The following MTX3 variants were observed in gnomAD, a reference collection of about 807,000 sequenced individuals.
MTX3 encodes metaxin 3, also known as metaxin-3.
A neutral mutation model predicts 42.5 loss-of-function variants in MTX3; 27 were observed. The observed-to-expected ratio is 0.64, with a 90% CI of 0.47 to 0.88. The LOEUF (loss-of-function observed/expected upper bound fraction) is 0.88, where lower values mean the gene tolerates loss of function less well. Among genes scored for constraint, MTX3 ranks in the 40% least tolerant of loss-of-function variants. The pLI is 0.00. For synonymous variants in MTX3, 144 were observed against 132.9 expected (o/e 1.08, Z -0.57); for missense variants, 378 against 367.0 (o/e 1.03, Z -0.25).
In MTX3 at chr5:79,980,817, G is replaced by A. The variant is rs184988519; in HGVS notation, c.*2867C>T. On this transcript the variant is annotated 3_prime_UTR_variant, in exon 9 of 9. Coordinates refer to ENST00000512528, the MANE Select transcript of MTX3 (RefSeq NM_001363818.2). Reference sequence around the variant, plus strand: ...ACTTTATCTAAAACATATCATGACAGGCTGGTCCAACAGTCTGTTCAGTCT... The same window carrying A: ...ACTTTATCTAAAACATATCATGACAAGCTGGTCCAACAGTCTGTTCAGTCT... The A allele has an allele frequency of 1.9e-3, 288 of 152,254 alleles. 2 individuals are homozygous for A. Among genetic ancestry groups the A allele is most frequent in the African/African-American group, 6.6e-3 (275 of 41,536 alleles). 9.4% of individuals were successfully genotyped at this position (152,254 alleles called of 1,614,324 possible). A position where few individuals can be genotyped will look rare whatever the true frequency, so the allele number is the denominator to read the frequency against.
In MTX3 at chr5:79,987,069, G is replaced by T. The variant is rs1400961934; in HGVS notation, c.620C>A (p.Ala207Glu). The change falls in exon 7 of 9, where the codon GCA (alanine) becomes GAA (glutamate). Residue 207 changes from alanine to glutamate, a missense_variant. Physicochemically the swap from Ala to Glu is moderately radical, Grantham distance 107 (BLOSUM62 -1). Transcript: ENST00000512528. ...TLDAYVFGFL[A>E]PLYKVRFPKV... ...AGGAAACCGTACTTTGTAAAGAGGTGCAAGAAAACCAAAAACATAGGCATC... is the reference window on the plus strand; with the variant it reads ...AGGAAACCGTACTTTGTAAAGAGGTTCAAGAAAACCAAAAACATAGGCATC... 6.2e-7 allele frequency: 1 copy of T among 1,613,948 alleles called. No individual in the cohort carries two copies. Among genetic ancestry groups the T allele is most frequent in the Admixed American group, 1.7e-5 (1 of 60,020 alleles).
intron 7 of MTX3, among the ~76,000 whole-genome samples, chr5:79,986,266 C>G (rs538699242): frequency 2.6e-5 from 4 of 152,272 alleles, no homozygotes; most frequent in Middle Eastern, 3.4e-3. Context: ...AACTACTAAC[C>G]CCTTCCTGTA....
Position 79,977,628 on chromosome 5 carries a change from G to A in MTX3, c.*6056C>T, listed in dbSNP as rs1831280167. On this transcript the variant is annotated 3_prime_UTR_variant, in exon 9 of 9. Transcript: ENST00000512528. ...GATTAGTAATCTGGTTTTAGACTCTGAAGTGATACCAAACATATTTAGCTA... is the reference window on the plus strand; with the variant it reads ...GATTAGTAATCTGGTTTTAGACTCTAAAGTGATACCAAACATATTTAGCTA... The A allele has an allele frequency of 6.6e-6, 1 of 152,180 alleles. No individual in the cohort carries two copies. The highest frequency in any genetic ancestry group is 2.1e-4 in the South Asian group (1 of 4,830). The allele number at this position is 152,180 out of a possible 1,614,324, so 9.4% of individuals were successfully genotyped here.
chr5:79,982,315 G>A lies in MTX3; in HGVS notation c.*1369C>T. 1 of 439,956 alleles carries A rather than the reference G, an allele frequency of 2.3e-6. No individual in the cohort carries two copies. Among genetic ancestry groups the A allele is most frequent in the African/African-American group, 2.0e-5 (1 of 49,304 alleles). The allele number at this position is 439,956 out of a possible 1,614,324, so 27.3% of individuals were successfully genotyped here. ...TAACTACCTAAATACAGAACAAATT[G>A]GGAGGATGTGGGTCAAACACAGCTG... is the stretch of plus-strand genomic sequence containing the variant. On this transcript the variant is annotated 3_prime_UTR_variant, in exon 9 of 9. Coordinates refer to ENST00000512528, the MANE Select transcript of MTX3 (RefSeq NM_001363818.2).
intron 8 of MTX3, 66 bp from the exon 9 acceptor site, chr5:79,983,860 C>A: frequency 1.0e-6 from 1 of 1,003,006 alleles, no homozygotes; most frequent in Non-Finnish European, 1.6e-6. Context: ...CTGTGGCCTC[C>A]CCATCCAAAC....
intron 4 of MTX3, 96 bp downstream of exon 4, chr5:79,989,056 T>A (rs923246982): frequency 3.7e-6 from 3 of 817,420 alleles, no homozygotes; most frequent in Non-Finnish European, 5.6e-6. Context: ...TAAGTAAAAT[T>A]TTCTCTTAAG....
chr5:79,990,035 A>T, intron 3 of MTX3, 125 bp downstream of exon 3: 1 of 505,830 alleles, frequency 2.0e-6, no homozygotes, highest in Non-Finnish European at 3.5e-6. Flanking sequence ...ATCTATTTTT[A>T]CATCTTGTCC....
At chr5:79,984,560 A>G (rs1324558190) in intron 8 of MTX3, among the ~76,000 whole-genome samples, 1 of 152,092 alleles carries the variant, frequency 6.6e-6, no homozygotes, top group Non-Finnish European at 1.5e-5. Flanking sequence ...ACTGTTAGCC[A>G]GTGTCATCAG....
In MTX3 at chr5:79,990,236, C is replaced by T; in HGVS notation, c.152G>A (p.Gly51Asp). Residue 51 changes from glycine to aspartate, a missense_variant and splice_region_variant, in exon 3 of 9, where the codon GGC (glycine) becomes GAC (aspartate). Transcript: ENST00000512528. ...VIDNTWRGSR[G>D]DVPILTTEDD... ...TTCAGTTGTCAAAATTGGTACATCGCCTATAATCAAAAAACAGTTTACATA... is the reference window on the plus strand; with the variant it reads ...TTCAGTTGTCAAAATTGGTACATCGTCTATAATCAAAAAACAGTTTACATA... 1 of 1,602,446 alleles carries T rather than the reference C, an allele frequency of 6.2e-7. No homozygotes were observed. Among genetic ancestry groups the T allele is most frequent in the South Asian group, 1.1e-5 (1 of 88,774 alleles).
At position 79,981,364 on chromosome 5, in the gene MTX3, T is replaced by C. The variant is rs1166522155; in HGVS notation, c.*2320A>G. On this transcript the variant is annotated 3_prime_UTR_variant, in exon 9 of 9. Coordinates refer to ENST00000512528, the MANE Select transcript of MTX3 (RefSeq NM_001363818.2). Reference sequence around the variant, plus strand: ...TAGAAAAGGTGATCTGGAAGCATTATGGACTATAGTGAGAATGTAAGGCTA... The same window carrying C: ...TAGAAAAGGTGATCTGGAAGCATTACGGACTATAGTGAGAATGTAAGGCTA... 1 of 152,174 alleles carries C rather than the reference T, an allele frequency of 6.6e-6. No individual in the cohort carries two copies. The highest frequency in any genetic ancestry group is 1.5e-5 in the Non-Finnish European group (1 of 68,012). The allele number at this position is 152,174 out of a possible 1,614,324, so 9.4% of individuals were successfully genotyped here. A position where few individuals can be genotyped will look rare whatever the true frequency, so the allele number is the denominator to read the frequency against.
In MTX3 at chr5:79,982,458, C is replaced by A. The variant is rs1831394720; in HGVS notation, c.*1226G>T. ...AGCACCACAGTAATCTTTTAAGACACTAATCAAAAACATGGTTCTACATTT... is the reference window on the plus strand; with the variant it reads ...AGCACCACAGTAATCTTTTAAGACAATAATCAAAAACATGGTTCTACATTT... On this transcript the variant is annotated 3_prime_UTR_variant, in exon 9 of 9. Coordinates refer to ENST00000512528, the MANE Select transcript of MTX3 (RefSeq NM_001363818.2). The A allele has an allele frequency of 2.2e-6, 1 of 455,448 alleles. No individual in the cohort carries two copies. Among genetic ancestry groups the A allele is most frequent in the Admixed American group, 2.4e-5 (1 of 42,448 alleles). 28.2% of individuals were successfully genotyped at this position (455,448 alleles called of 1,614,324 possible).
In MTX3 at chr5:79,988,603, C is replaced by T. The variant is rs1405027576; in HGVS notation, c.363G>A (p.Val121=). Residue 121 remains valine (V), a synonymous_variant, in exon 5 of 9, where the codon GTG becomes GTA. Transcript: ENST00000512528. The stretch of plus-strand genomic sequence containing the variant: ...TTTGTGAAGCAAACCATGGCTTTGT[C>T]ACAGTAAAGTAATTGTCACTCTCAA... ...FWVESDNYFT[V]TKPWFASQIP... is the part of the protein sequence containing the mutation. The T allele has an allele frequency of 5.6e-6, 9 of 1,600,432 alleles. No individual in the cohort carries two copies. The South Asian group carries it at 1.0e-4, about 18-fold the overall frequency.
rs1033044576 is a variant in MTX3, at chr5:79,981,362, T to C, written c.*2322A>G. ...CTTAGAAAAGGTGATCTGGAAGCAT[T>C]ATGGACTATAGTGAGAATGTAAGGC... On this transcript the variant is annotated 3_prime_UTR_variant, in exon 9 of 9. Coordinates refer to ENST00000512528, the MANE Select transcript of MTX3 (RefSeq NM_001363818.2). 6.6e-6 allele frequency: 1 copy of C among 152,146 alleles called. No individual in the cohort carries two copies. The highest frequency in any genetic ancestry group is 1.5e-5 in the Non-Finnish European group (1 of 68,022). The allele number at this position is 152,146 out of a possible 1,614,324, so 9.4% of individuals were successfully genotyped here. A position where few individuals can be genotyped will look rare whatever the true frequency, so the allele number is the denominator to read the frequency against.
chr5:79,991,202 C>T lies in MTX3; in HGVS notation c.37G>A (p.Gly13Ser), dbSNP rs1330640626. The T allele has an allele frequency of 6.7e-7, 1 of 1,484,118 alleles. No homozygotes were observed. Among genetic ancestry groups the T allele is most frequent in the South Asian group, 1.3e-5 (1 of 74,564 alleles). The allele number at this position is 1,484,118 out of a possible 1,614,324, so 91.9% of individuals were successfully genotyped here. The change falls in exon 1 of 9, where the codon GGC becomes AGC. Residue 13 changes from glycine to serine, a missense_variant. Gly to Ser is a moderately conservative substitution (Grantham distance 56). Coordinates refer to ENST00000512528, the MANE Select transcript of MTX3 (RefSeq NM_001363818.2). Reference sequence around the variant, plus strand: ...CTGTGAACCGATGGGAGTCCCCAGCCGCCTCCCCAGCAACTGAGTTCCAAG... The same window carrying T: ...CTGTGAACCGATGGGAGTCCCCAGCTGCCTCCCCAGCAACTGAGTTCCAAG... The part of the protein sequence containing the change: ...APLELSCWGG[G>S]WGLPSVHSES...
intron 6 of MTX3, 110 bp downstream of exon 6, chr5:79,988,129 T>C: frequency 2.8e-6 from 2 of 706,456 alleles, no homozygotes; most frequent in Admixed American, 2.7e-5. Flanking sequence ...ATCTTGTTTT[T>C]TTTAAGTAAA....
chr5:79,982,158 G>GT lies in MTX3; in HGVS notation c.*1525dup, dbSNP rs1419155534. 2.0e-5 allele frequency: 5 copies of GT among 255,456 alleles called. No homozygotes were observed. In the East Asian group the frequency reaches 4.8e-4, roughly 24 times the overall value. The allele number at this position is 255,456 out of a possible 1,614,324, so 15.8% of individuals were successfully genotyped here. ...CACACACACACACCCTGTTGTAGAAGTAATGTGCAACTCATGAGGTACTTT... is the reference window on the plus strand; with the variant it reads ...CACACACACACACCCTGTTGTAGAAGTTAATGTGCAACTCATGAGGTACTTT... On this transcript the variant is annotated 3_prime_UTR_variant, in exon 9 of 9. Transcript: ENST00000512528.
intron 8 of MTX3, among the ~76,000 whole-genome samples, chr5:79,984,913 T>C (rs1831454851): frequency 6.6e-6 from 1 of 152,102 alleles, no homozygotes; most frequent in Non-Finnish European, 1.5e-5. Context: ...ATAAGCCCAG[T>C]GCTTACAATC....
In MTX3 at chr5:79,988,305, T is replaced by C. The variant is rs1831545158; in HGVS notation, c.515A>G (p.Asp172Gly). 1 of 1,550,480 alleles carries C rather than the reference T, an allele frequency of 6.4e-7. No individual in the cohort carries two copies. Among genetic ancestry groups the C allele is most frequent in the African/African-American group, 1.4e-5 (1 of 73,380 alleles). Residue 172 changes from aspartate to glycine, a missense_variant, in exon 6 of 9, where the codon GAT becomes GGT. By Grantham distance (94) the Asp-to-Gly change is moderately conservative. Transcript: ENST00000512528. Reference sequence around the variant, plus strand: ...TAGAAGATTTAGGCACTCCTTGGCATCTCTGTATATCTAATAAGGATGAAA... The same window carrying C: ...TAGAAGATTTAGGCACTCCTTGGCACCTCTGTATATCTAATAAGGATGAAA... ...LREVEAQIYR[D>G]AKECLNLLSN...
chr5:79,982,327 G>T lies in MTX3; in HGVS notation c.*1357C>A. On this transcript the variant is annotated 3_prime_UTR_variant, in exon 9 of 9. Coordinates refer to ENST00000512528, the MANE Select transcript of MTX3 (RefSeq NM_001363818.2). The stretch of plus-strand genomic sequence containing the variant: ...TACAGAACAAATTGGGAGGATGTGG[G>T]TCAAACACAGCTGAGCTCCACTCAG... 1 of 449,438 alleles carries T rather than the reference G, an allele frequency of 2.2e-6. No individual in the cohort carries two copies. Among genetic ancestry groups the T allele is most frequent in the Non-Finnish European group, 4.5e-6 (1 of 223,586 alleles). The allele number at this position is 449,438 out of a possible 1,614,324, so 27.8% of individuals were successfully genotyped here. A position where few individuals can be genotyped will look rare whatever the true frequency, so the allele number is the denominator to read the frequency against.
Sources: gnomAD v4.1 joint callset for allele counts (sites outside exome capture counted in the v4.1 genomes callset) on GRCh38, gnomAD v4.1.1 for gene constraint, MANE v1.5 for transcripts, NCBI Gene and HGNC (gene_info 2026-07-23, HGNC 2026-07-21) for gene names.